Variants in NWD2 observed in about 807,000 individuals in gnomAD.
NWD2 encodes the protein NACHT and WD repeat domain-containing protein 2.
NWD2 carries 37 observed loss-of-function variants against 132.7 expected under a neutral mutation model. That is an observed-to-expected ratio of 0.28 (90% confidence interval 0.21 to 0.37). The LOEUF (loss-of-function observed/expected upper bound fraction) is 0.37, where lower values mean the gene tolerates loss of function less well. Among genes scored for constraint, NWD2 ranks in the 10% least tolerant of loss-of-function variants. NWD2 has a pLI of 1.00. For synonymous variants in NWD2, 705 were observed against 803.0 expected (o/e 0.88, Z 2.06); for missense variants, 1,592 against 2,122.4 (o/e 0.75, Z 4.91).
At chr4:37,388,915 G>A (rs957175203) in intron 3 of NWD2, among the ~76,000 whole-genome samples, 9 of 151,266 alleles carry the variant, frequency 5.9e-5, no homozygotes, top group Middle Eastern at 3.5e-3. Context: ...ATGGGTTACT[G>A]ACTTTTTAAC....
intron 2 of NWD2, among the ~76,000 whole-genome samples, chr4:37,339,695 T>G (rs975834395): frequency 6.6e-6 from 1 of 152,216 alleles, no homozygotes; most frequent in African/African-American, 2.4e-5. Flanking sequence ...TTGGTATAAA[T>G]AGGGGTACAA....
chr4:37,325,337 G>A (rs754208468), intron 1 of NWD2, among the ~76,000 whole-genome samples: 2 of 152,070 alleles, frequency 1.3e-5, no homozygotes, highest in African/African-American at 2.4e-5. Flanking sequence ...ATGTCCCTAA[G>A]CCCGGGGTGG....
At chr4:37,287,738 C>T (rs1372163176) in intron 1 of NWD2, among the ~76,000 whole-genome samples, 1 of 152,174 alleles carries the variant, frequency 6.6e-6, no homozygotes, top group Non-Finnish European at 1.5e-5. Context: ...ATCTGGGCAG[C>T]CCAGACAAGT....
chr4:37,263,556 T>C (rs1337026589), intron 1 of NWD2, among the ~76,000 whole-genome samples: 1 of 152,168 alleles, frequency 6.6e-6, no homozygotes, highest in Non-Finnish European at 1.5e-5. Flanking sequence ...TATAATAGTG[T>C]TAGACTTCTA....
intron 3 of NWD2, among the ~76,000 whole-genome samples, chr4:37,427,621 A>G (rs1712041821): frequency 6.6e-6 from 1 of 152,196 alleles, no homozygotes; most frequent in Non-Finnish European, 1.5e-5. Context: ...AATAGATACC[A>G]ATAATGTGGC....
chr4:37,414,530 G>A (rs922582615), intron 3 of NWD2, among the ~76,000 whole-genome samples: 6 of 151,522 alleles, frequency 4.0e-5, no homozygotes, highest in African/African-American at 1.5e-4. Context: ...AGAAGTCGCT[G>A]TAACAAGACT....
chr4:37,372,633 G>A (rs1720252373), intron 3 of NWD2, among the ~76,000 whole-genome samples: 1 of 152,124 alleles, frequency 6.6e-6, no homozygotes, highest in African/African-American at 2.4e-5. Context: ...AATATGATTT[G>A]TTTTCATATA....
At position 37,245,222 on chromosome 4, in the gene NWD2, C is replaced by T. The variant is rs941944657; in HGVS notation, c.151+4C>T. 1.6e-5 allele frequency: 24 copies of T among 1,533,890 alleles called. No homozygotes were observed. The highest frequency in any genetic ancestry group is 2.1e-5 in the Non-Finnish European group (24 of 1,142,950). On this transcript the variant is annotated splice_donor_region_variant and intron_variant, in intron 1 of 6. Coordinates refer to ENST00000309447, the MANE Select transcript of NWD2 (RefSeq NM_001144990.2). ...TTCATCAGCGCCAACCCTGAAGGTA[C>T]GTCCCTCGCTCGGGTTTGCCCGTCC...
At chr4:37,403,438 G>T (rs2109316227) in intron 3 of NWD2, among the ~76,000 whole-genome samples, 1 of 152,238 alleles carries the variant, frequency 6.6e-6, no homozygotes, top group African/African-American at 2.4e-5. Flanking sequence ...GGGCCCCAGG[G>T]AAACTACCCA....
intron 1 of NWD2, among the ~76,000 whole-genome samples, chr4:37,257,728 A>G (rs1429289315): frequency 1.3e-5 from 2 of 152,196 alleles, no homozygotes; most frequent in African/African-American, 4.8e-5. Flanking sequence ...GCTAGAAGGG[A>G]TCTGCTGTTT....
At chr4:37,371,640 C>T (rs185470873) in intron 3 of NWD2, among the ~76,000 whole-genome samples, 2 of 152,320 alleles carry the variant, frequency 1.3e-5, no homozygotes, top group East Asian at 3.9e-4. Context: ...TTATTGTTGA[C>T]ACAATTGGCT....
At chr4:37,256,797 G>C (rs1222399122) in intron 1 of NWD2, among the ~76,000 whole-genome samples, 5 of 152,096 alleles carry the variant, frequency 3.3e-5, no homozygotes, top group Non-Finnish European at 5.9e-5. Context: ...ACCATTTGGA[G>C]GTTTTACCCA....
intron 1 of NWD2, among the ~76,000 whole-genome samples, chr4:37,318,868 C>T (rs1452811415): frequency 1.3e-5 from 2 of 152,080 alleles, no homozygotes; most frequent in African/African-American, 4.8e-5. Flanking sequence ...TTTTCTCTAT[C>T]CAACCCACCA....
intron 3 of NWD2, among the ~76,000 whole-genome samples, chr4:37,391,363 C>A (rs1306067380): frequency 6.6e-6 from 1 of 152,152 alleles, no homozygotes; most frequent in African/African-American, 2.4e-5. Flanking sequence ...GACGTGCCTG[C>A]AGGCAGCTAG....
At chr4:37,300,529 TAAA>T (rs1447054857) in intron 1 of NWD2, among the ~76,000 whole-genome samples, 1 of 152,080 alleles carries the variant, frequency 6.6e-6, no homozygotes, top group Non-Finnish European at 1.5e-5. Context: ...TTCCCAAAAT[TAAA>T]AAAGAAGCTG....
chr4:37,359,867 T>A (rs1229043046), intron 3 of NWD2, among the ~76,000 whole-genome samples: 2 of 152,172 alleles, frequency 1.3e-5, no homozygotes, highest in African/African-American at 4.8e-5. Flanking sequence ...CATGTTTTTG[T>A]CCATGAAGAG....
At chr4:37,414,844 T>C (rs1411096258) in intron 3 of NWD2, among the ~76,000 whole-genome samples, 1 of 152,244 alleles carries the variant, frequency 6.6e-6, no homozygotes, top group East Asian at 1.9e-4. Context: ...CCAATTTCTT[T>C]ACTTATATTA....
intron 2 of NWD2, among the ~76,000 whole-genome samples, chr4:37,350,245 A>C (rs4441760): frequency 0.11 from 16,939 of 152,184 alleles, 1,268 homozygotes; most frequent in South Asian, 0.24. Context: ...CTTGATGGGG[A>C]TAGCATTGAA....
rs374784639 is a variant in NWD2, at chr4:37,388,558, A to G, written c.357+32076A>G. Among the ~76,000 whole-genome samples, 23 of 151,594 alleles carry G rather than the reference A, an allele frequency of 1.5e-4. No homozygotes were observed. In the East Asian group the frequency reaches 3.1e-3, roughly 20 times the overall value. ...ACTTCTTTAAGTGAGTTTTACTTCT[A>G]TTGTGGAAAATATATATTTTTATAT... On this transcript the variant is annotated intron_variant, in intron 3 of 6. Transcript: ENST00000309447.
Sources: allele counts gnomAD v4.1 joint callset (sites outside exome capture counted in the v4.1 genomes callset), GRCh38; gene constraint gnomAD v4.1.1; transcripts MANE v1.5; gene names NCBI Gene and HGNC (gene_info 2026-07-23, HGNC 2026-07-21).